COL22A1: variants seen among roughly 807,000 people sequenced by gnomAD.
COL22A1 encodes collagen type XXII alpha 1 chain.
A neutral mutation model predicts 248.9 loss-of-function variants in COL22A1; 221 were observed. That is an observed-to-expected ratio of 0.89 (90% CI 0.80 to 0.99). The LOEUF is 0.99. COL22A1 is among the 50% of genes least tolerant of loss of function. The pLI is 0.00. For synonymous variants in COL22A1, 891 were observed against 793.4 expected (o/e 1.12, Z -2.07); for missense variants, 2,240 against 2,179.0 (o/e 1.03, Z -0.56).
chr8:138,673,209 C>CTT (rs1554742582), intron 41 of COL22A1, among the ~76,000 whole-genome samples: 2 of 108,370 alleles, frequency 1.8e-5, no homozygotes, highest in African/African-American at 3.3e-5. Flanking sequence ...TACAGCCGAT[C>CTT]TATTTTTTTT....
At chr8:138,772,577 C>T (rs1834466709) in intron 16 of COL22A1, among the ~76,000 whole-genome samples, 1 of 152,228 alleles carries the variant, frequency 6.6e-6, no homozygotes, top group African/African-American at 2.4e-5. Flanking sequence ...GAATAGAATA[C>T]AGGAACGGAT....
At chr8:138,816,850 T>A (rs1164594662) in intron 7 of COL22A1, among the ~76,000 whole-genome samples, 2 of 152,218 alleles carry the variant, frequency 1.3e-5, no homozygotes, top group African/African-American at 4.8e-5. Context: ...TCCTATATAT[T>A]TTCTTGATAC....
At chr8:138,837,186 T>C (rs1039250316) in intron 4 of COL22A1, among the ~76,000 whole-genome samples, 1 of 152,154 alleles carries the variant, frequency 6.6e-6, no homozygotes, top group South Asian at 2.1e-4. Context: ...GGGAACCTGT[T>C]GACCCAAGTG....
At chr8:138,870,518 T>C (rs556449249) in intron 3 of COL22A1, among the ~76,000 whole-genome samples, 84 of 150,946 alleles carry the variant, frequency 5.6e-4, no homozygotes, top group African/African-American at 2.0e-3. Flanking sequence ...TGTGTGGTGT[T>C]TGTGCACATG....
Position 138,716,221 on chromosome 8 carries a change from A to G in COL22A1, c.2463+6T>C. On this transcript the variant is annotated splice_donor_region_variant and intron_variant, in intron 29 of 64. Transcript: ENST00000303045. ...TGTGTGGGAGGAAGGAAGCTGCCACACTTACCTGGTCTCCTTTCTCTCCTC... is the reference window on the plus strand; with the variant it reads ...TGTGTGGGAGGAAGGAAGCTGCCACGCTTACCTGGTCTCCTTTCTCTCCTC... The G allele has an allele frequency of 6.3e-7, 1 of 1,578,552 alleles. No individual in the cohort carries two copies. Among genetic ancestry groups the G allele is most frequent in the Non-Finnish European group, 8.6e-7 (1 of 1,159,776 alleles).
intron 12 of COL22A1, among the ~76,000 whole-genome samples, chr8:138,781,905 T>C (rs527704237): frequency 6.6e-6 from 1 of 152,338 alleles, no homozygotes; most frequent in African/African-American, 2.4e-5. Flanking sequence ...AATGAAGAGA[T>C]GAAACTCTAC....
chr8:138,865,264 T>C (rs1397178511), intron 3 of COL22A1, among the ~76,000 whole-genome samples: 1 of 152,202 alleles, frequency 6.6e-6, no homozygotes, highest in African/African-American at 2.4e-5. Flanking sequence ...TGAGCATCCC[T>C]TTCTAGGTTT....
At chr8:138,597,121 A>C in intron 61 of COL22A1, 151 bp from the exon 62 acceptor site, 2 of 630,768 alleles carry the variant, frequency 3.2e-6, no homozygotes, top group East Asian at 2.7e-5. Flanking sequence ...CACATCTCTA[A>C]TCCCTTCCTC....
intron 11 of COL22A1, among the ~76,000 whole-genome samples, chr8:138,802,498 G>A (rs1817083009): frequency 6.6e-6 from 1 of 152,008 alleles, no homozygotes; most frequent in African/African-American, 2.4e-5. Context: ...AGGAAGGCAT[G>A]GGGAAGAGAA....
intron 1 of COL22A1, among the ~76,000 whole-genome samples, chr8:138,893,998 C>T (rs1268836367): frequency 6.6e-6 from 1 of 152,122 alleles, no homozygotes; most frequent in Non-Finnish European, 1.5e-5. Flanking sequence ...CTGCCTTCAC[C>T]AGGAATAGCC....
At chr8:138,755,706 A>T in intron 19 of COL22A1, 79 bp downstream of exon 19, 1 of 1,465,924 alleles carries the variant, frequency 6.8e-7, no homozygotes, top group South Asian at 1.1e-5. Context: ...GCGTTGCCTT[A>T]TTCTTAGAGG....
At position 138,805,611 on chromosome 8, in the gene COL22A1, CGGTGTGTGAG is replaced by C. The variant is rs892534291; in HGVS notation, c.1494+2147_1494+2156del. 4.9e-5 allele frequency among the ~76,000 whole-genome samples: 5 copies of C among 101,610 alleles called. No individual in the cohort carries two copies. In the East Asian group the frequency reaches 1.7e-3, roughly 35 times the overall value. The allele number at this position is 101,610 out of a possible 152,430, so 66.7% of individuals were successfully genotyped here. A position where few individuals can be genotyped will look rare whatever the true frequency, so the allele number is the denominator to read the frequency against. The stretch of plus-strand genomic sequence containing the variant: ...GGTATGTGTTTGTGATGGTGTGGGA[CGGTGTGTGAG>C]GGTGTGTGTGTGTGATGGTATGTGT... On this transcript the variant is annotated intron_variant, in intron 10 of 64. Transcript: ENST00000303045.
chr8:138,909,103 T>C (rs1815238455), intron 1 of COL22A1, among the ~76,000 whole-genome samples: 1 of 152,268 alleles, frequency 6.6e-6, no homozygotes, highest in East Asian at 1.9e-4. Flanking sequence ...CAAAACTATA[T>C]GTGATCACCC....
intron 49 of COL22A1, among the ~76,000 whole-genome samples, chr8:138,633,163 G>A (rs1820867797): frequency 1.3e-5 from 2 of 152,242 alleles, no homozygotes. Flanking sequence ...TTTCTGCTGT[G>A]GAGTTGCTTC....
At chr8:138,713,841 G>A (rs1171222360) in intron 30 of COL22A1, among the ~76,000 whole-genome samples, 1 of 152,168 alleles carries the variant, frequency 6.6e-6, no homozygotes, top group Non-Finnish European at 1.5e-5. Flanking sequence ...AAATATTATA[G>A]ATGAAGTACC....
intron 4 of COL22A1, among the ~76,000 whole-genome samples, chr8:138,842,195 C>G (rs1011756884): frequency 3.3e-5 from 5 of 152,154 alleles, no homozygotes; most frequent in Admixed American, 6.5e-5. Context: ...GTAAAATGTA[C>G]AACAGTGTGT....
At chr8:138,617,459 A>G (rs1219431439) in intron 53 of COL22A1, among the ~76,000 whole-genome samples, 1 of 152,132 alleles carries the variant, frequency 6.6e-6, no homozygotes, top group African/African-American at 2.4e-5. Flanking sequence ...CCCGGGCCAT[A>G]GTGCTGGGGT....
intron 49 of COL22A1, 134 bp from the exon 50 acceptor site, chr8:138,630,882 C>G (rs1215778482): frequency 2.5e-6 from 2 of 809,650 alleles, no homozygotes; most frequent in African/African-American, 3.4e-5. Flanking sequence ...AAATGTGATT[C>G]CCAATATTGT....
At position 138,877,851 on chromosome 8, in the gene COL22A1, T is replaced by C. The variant is rs756603432; in HGVS notation, c.557A>G (p.Glu186Gly). The C allele has an allele frequency of 2.0e-5, 33 of 1,613,360 alleles. No homozygotes were observed. The highest frequency in any genetic ancestry group is 2.8e-5 in the Non-Finnish European group (33 of 1,179,832). The change falls in exon 3 of 65, where the codon GAG (glutamate) becomes GGG (glycine). Residue 186 changes from glutamate (E) to glycine (G), a missense_variant. By Grantham distance (98) the Glu-to-Gly change is moderately conservative. Transcript: ENST00000303045. ...GGACTTGGGCTCTGAGGCGATCTCC[T>C]CCAGCTCCTCCTTGAGTGCCTCGCC... ...GVGEALKEEL[E>G]EIASEPKSAH...
Sources: allele counts gnomAD v4.1 joint callset (sites outside exome capture counted in the v4.1 genomes callset), GRCh38; gene constraint gnomAD v4.1.1; transcripts MANE v1.5; gene names NCBI Gene and HGNC (gene_info 2026-07-23, HGNC 2026-07-21).